TAFA1: variants seen among roughly 807,000 people sequenced by gnomAD.
TAFA1 encodes chemokine-like protein TAFA-1.
In TAFA1, 4 loss-of-function variants were observed where a neutral mutation model predicts 18.5. That is an observed-to-expected ratio of 0.22 (90% CI 0.11 to 0.49). The LOEUF is 0.49. TAFA1 is among the 20% of genes least tolerant of loss of function. The pLI is 0.98. For synonymous variants in TAFA1, 56 were observed against 55.2 expected (o/e 1.01, Z -0.06); for missense variants, 147 against 169.0 (o/e 0.87, Z 0.72).
At chr3:68,261,424 C>G (rs1351279158) in intron 2 of TAFA1, among the ~76,000 whole-genome samples, 1 of 152,070 alleles carries the variant, frequency 6.6e-6, no homozygotes, top group Non-Finnish European at 1.5e-5. Flanking sequence ...GGTATATACC[C>G]AAAGGATTAT....
At chr3:68,382,012 G>T (rs191998854) in intron 2 of TAFA1, among the ~76,000 whole-genome samples, 1 of 152,118 alleles carries the variant, frequency 6.6e-6, no homozygotes, top group Admixed American at 6.6e-5. Flanking sequence ...GGCCTTTTCT[G>T]CCTTTCTATC....
In TAFA1 at chr3:68,268,405, T is replaced by C. The variant is rs555034532; in HGVS notation, c.119-148875T>C. On this transcript the variant is annotated intron_variant, in intron 2 of 4. Coordinates refer to ENST00000478136, the MANE Select transcript of TAFA1 (RefSeq NM_213609.4). ...CGTGTGGCCCCCGTGACTCAACTCA[T>C]TGTGGGTGTGGAGACATGGATGGGG... 2.0e-4 allele frequency among the ~76,000 whole-genome samples: 31 copies of C among 152,162 alleles called. No individual in the cohort carries two copies. The Middle Eastern group carries it at 0.01, about 50-fold the overall frequency.
chr3:68,035,115 C>T (rs1171296361), intron 2 of TAFA1, among the ~76,000 whole-genome samples: 1 of 152,110 alleles, frequency 6.6e-6, no homozygotes, highest in East Asian at 1.9e-4. Context: ...AATTTATTTC[C>T]CAGATCTTGT....
At chr3:68,251,677 A>G (rs2067199645) in intron 2 of TAFA1, among the ~76,000 whole-genome samples, 1 of 152,202 alleles carries the variant, frequency 6.6e-6, no homozygotes, top group Admixed American at 6.5e-5. Flanking sequence ...AAGAACCATC[A>G]TGTGCAAAGG....
intron 2 of TAFA1, among the ~76,000 whole-genome samples, chr3:68,255,715 A>C (rs535903129): frequency 6.6e-6 from 1 of 152,002 alleles, no homozygotes; most frequent in South Asian, 2.1e-4. Context: ...ATAATGATTT[A>C]TTTTTTAAGG....
At chr3:68,164,693 G>A (rs1390765786) in intron 2 of TAFA1, among the ~76,000 whole-genome samples, 1 of 149,350 alleles carries the variant, frequency 6.7e-6, no homozygotes, top group Non-Finnish European at 1.5e-5. Context: ...TTAAAATCTA[G>A]TTCTTAGGGT....
intron 2 of TAFA1, among the ~76,000 whole-genome samples, chr3:68,039,991 C>A (rs1247501992): frequency 1.3e-5 from 2 of 152,126 alleles, no homozygotes; most frequent in African/African-American, 2.4e-5. Context: ...CACATCCCTG[C>A]ATTTATGTTC....
chr3:68,467,005 T>C (rs1207464537), intron 3 of TAFA1, among the ~76,000 whole-genome samples: 2 of 152,130 alleles, frequency 1.3e-5, no homozygotes, highest in African/African-American at 4.8e-5. Flanking sequence ...CCCAGGGCTG[T>C]TAATTATTAA....
intron 2 of TAFA1, among the ~76,000 whole-genome samples, chr3:68,378,484 C>T (rs766819706): frequency 6.6e-6 from 1 of 152,102 alleles, no homozygotes; most frequent in Non-Finnish European, 1.5e-5. Context: ...ATTTTTTAGG[C>T]TCATAAAATC....
At chr3:68,465,062 G>A (rs577967676) in intron 3 of TAFA1, among the ~76,000 whole-genome samples, 2 of 152,258 alleles carry the variant, frequency 1.3e-5, no homozygotes, top group East Asian at 3.9e-4. Flanking sequence ...CTTCGCTAGT[G>A]ATTGGCTTAG....
At chr3:68,427,926 C>G (rs1392867934) in intron 3 of TAFA1, among the ~76,000 whole-genome samples, 3 of 152,026 alleles carry the variant, frequency 2.0e-5, no homozygotes, top group Non-Finnish European at 4.4e-5. Context: ...TGCCATTGCT[C>G]CTCTTTTGCC....
chr3:68,288,732 A>G (rs1182051410), intron 2 of TAFA1, among the ~76,000 whole-genome samples: 1 of 152,248 alleles, frequency 6.6e-6, no homozygotes, highest in East Asian at 1.9e-4. Flanking sequence ...CTCCATCTGT[A>G]TTAAATGCTA....
At chr3:68,317,313 C>T (rs1042380762) in intron 2 of TAFA1, among the ~76,000 whole-genome samples, 1 of 152,170 alleles carries the variant, frequency 6.6e-6, no homozygotes, top group Non-Finnish European at 1.5e-5. Context: ...CTATCTCAGT[C>T]ACTTGCCACA....
chr3:68,156,454 G>T (rs2065867768), intron 2 of TAFA1, among the ~76,000 whole-genome samples: 1 of 152,108 alleles, frequency 6.6e-6, no homozygotes, highest in Non-Finnish European at 1.5e-5. Context: ...CTTATTAAGT[G>T]AGATTTTAGG....
At chr3:68,402,385 C>T (rs1039374499) in intron 2 of TAFA1, among the ~76,000 whole-genome samples, 26 of 152,160 alleles carry the variant, frequency 1.7e-4, no homozygotes, top group Admixed American at 9.8e-4. Context: ...TGATCACATC[C>T]GTGCAGCCAG....
At chr3:68,266,999 G>T (rs1252947611) in intron 2 of TAFA1, among the ~76,000 whole-genome samples, 1 of 152,120 alleles carries the variant, frequency 6.6e-6, no homozygotes, top group African/African-American at 2.4e-5. Context: ...GGGGCTTTGG[G>T]TGCCAATAAA....
At chr3:68,182,806 A>G (rs190024061) in intron 2 of TAFA1, among the ~76,000 whole-genome samples, 84 of 152,266 alleles carry the variant, frequency 5.5e-4, no homozygotes, top group Admixed American at 1.0e-3. Context: ...AATTTCAGCC[A>G]ATTTAGTTTA....
chr3:68,264,288 G>A (rs114161495), intron 2 of TAFA1, among the ~76,000 whole-genome samples: 2,391 of 152,186 alleles, frequency 0.016, 27 homozygotes, highest in Non-Finnish European at 0.026. Flanking sequence ...AATAAATAAA[G>A]TAGATTGAAA....
rs571807583 is a variant in TAFA1, at chr3:68,362,785, A to G, written c.119-54495A>G. ...TGGTTGGTGGATGATATCACTCACC[A>G]GGAAAGAGATGATACGGTAGGTTCT... On this transcript the variant is annotated intron_variant, in intron 2 of 4. Transcript: ENST00000478136. 8.5e-5 allele frequency among the ~76,000 whole-genome samples: 13 copies of G among 152,238 alleles called. No homozygotes were observed. In the South Asian group the frequency reaches 1.9e-3, roughly 22 times the overall value.
Sources: gnomAD v4.1 joint callset for allele counts (sites outside exome capture counted in the v4.1 genomes callset) on GRCh38, gnomAD v4.1.1 for gene constraint, MANE v1.5 for transcripts, NCBI Gene and HGNC (gene_info 2026-07-23, HGNC 2026-07-21) for gene names.